Variants in RNF103 observed in about 807,000 individuals in gnomAD.
RNF103 encodes ring finger protein 103, also known as E3 ubiquitin-protein ligase RNF103.
A neutral mutation model predicts 66.2 loss-of-function variants in RNF103; 23 were observed. The ratio of observed to expected loss-of-function variants is 0.35; its 90% confidence interval spans 0.25 to 0.49. The LOEUF (loss-of-function observed/expected upper bound fraction) is 0.49, where lower values mean the gene tolerates loss of function less well. Among genes scored for constraint, RNF103 ranks in the 20% least tolerant of loss-of-function variants. The pLI is 0.98. For synonymous variants in RNF103, 297 were observed against 289.9 expected, an observed-to-expected ratio of 1.02 and a Z score of -0.25; for missense variants, 730 against 814.7, an observed-to-expected ratio of 0.90 and a Z score of 1.27.
At position 86,623,534 on chromosome 2, in the gene RNF103, G is replaced by A; in HGVS notation, c.-648C>T. On this transcript the variant is annotated 5_prime_UTR_variant, in exon 1 of 4. Transcript: ENST00000237455. ...CGACCGCCCAGGCTCCGCGAGAAGA[G>A]CGGCGGGCACGGCGGCGGCTCCAGG... is the stretch of plus-strand genomic sequence containing the variant. 1.0e-6 allele frequency: 1 copy of A among 985,194 alleles called. No homozygotes were observed. Among genetic ancestry groups the A allele is most frequent in the Admixed American group, 6.2e-5 (1 of 16,116 alleles). The allele number at this position is 985,194 out of a possible 1,614,324, so 61.0% of individuals were successfully genotyped here. A position where few individuals can be genotyped will look rare whatever the true frequency, so the allele number is the denominator to read the frequency against.
At chr2:86,619,288 C>T (rs1158743682) in intron 2 of RNF103, among the ~76,000 whole-genome samples, 1 of 152,190 alleles carries the variant, frequency 6.6e-6, no homozygotes, top group South Asian at 2.1e-4. Flanking sequence ...GCAGTCTTTA[C>T]TCTCAGAAAG....
At chr2:86,617,059 A>G in intron 2 of RNF103, 8 of 985,412 alleles carry the variant, frequency 8.1e-6, no homozygotes, top group Non-Finnish European at 9.6e-6. Flanking sequence ...CAATGTTAGG[A>G]ATAACTTAGA....
intron 3 of RNF103, among the ~76,000 whole-genome samples, 172 bp from the exon 4 acceptor site, chr2:86,605,590 T>C (rs905587062): frequency 3.3e-5 from 5 of 152,198 alleles, no homozygotes; most frequent in Admixed American, 6.5e-5. Flanking sequence ...CTAGTTTGTT[T>C]TGTATTTCTG....
intron 3 of RNF103, among the ~76,000 whole-genome samples, chr2:86,608,939 G>A (rs1053808955): frequency 1.3e-5 from 2 of 152,180 alleles, no homozygotes; most frequent in Non-Finnish European, 2.9e-5. Context: ...TAGACAGTCA[G>A]AAGTTGCTCA....
chr2:86,606,577 C>A (rs890101488), intron 3 of RNF103, among the ~76,000 whole-genome samples: 1 of 149,130 alleles, frequency 6.7e-6, no homozygotes, highest in Admixed American at 6.7e-5. Context: ...GCAGGAGAAC[C>A]GCTTGAACCC....
chr2:86,610,989 C>T (rs1678766835), intron 3 of RNF103, among the ~76,000 whole-genome samples: 1 of 140,064 alleles, frequency 7.1e-6, no homozygotes, highest in Admixed American at 7.5e-5. Flanking sequence ...GCCTGGGCAA[C>T]ATAGCAAGAC....
chr2:86,614,752 G>C, intron 2 of RNF103: 3 of 964,930 alleles, frequency 3.1e-6, no homozygotes, highest in Non-Finnish European at 3.7e-6. Flanking sequence ...AATAATCAAA[G>C]ACAAGTTTAA....
chr2:86,623,826 C>T lies in RNF103; in HGVS notation c.-940G>A. 4.7e-6 allele frequency: 6 copies of T among 1,288,126 alleles called. No individual in the cohort carries two copies. The highest frequency in any genetic ancestry group is 6.1e-6 in the Non-Finnish European group (6 of 988,396). The allele number at this position is 1,288,126 out of a possible 1,614,324, so 79.8% of individuals were successfully genotyped here. ...AGACCGCGGCCGTACCCTCCACAAC[C>T]GTGTATCAGCGGCGGCCGCGGCCGG... On this transcript the variant is annotated 5_prime_UTR_variant, in exon 1 of 4. Coordinates refer to ENST00000237455, the MANE Select transcript of RNF103 (RefSeq NM_005667.4).
Position 86,623,758 on chromosome 2 carries a change from T to C in RNF103, c.-872A>G. 7.8e-7 allele frequency: 1 copy of C among 1,281,888 alleles called. No homozygotes were observed. Among genetic ancestry groups the C allele is most frequent in the Non-Finnish European group, 1.0e-6 (1 of 985,998 alleles). 79.4% of individuals were successfully genotyped at this position (1,281,888 alleles called of 1,614,324 possible). A position where few individuals can be genotyped will look rare whatever the true frequency, so the allele number is the denominator to read the frequency against. On this transcript the variant is annotated 5_prime_UTR_variant, in exon 1 of 4. Coordinates refer to ENST00000237455, the MANE Select transcript of RNF103 (RefSeq NM_005667.4). ...GCGCCCGTCCCGCTCGGATGGGCAG[T>C]GCCGGTCGCAGCACCCGTCCCCAAC...
At position 86,605,385 on chromosome 2, in the gene RNF103, T is replaced by C. The variant is rs766961081; in HGVS notation, c.516A>G (p.Thr172=). Residue 172 remains threonine, a synonymous_variant, in exon 4 of 4, where the codon ACA becomes ACG. Coordinates refer to ENST00000237455, the MANE Select transcript of RNF103 (RefSeq NM_005667.4). ...TTGTTTGTGGAACAGACATAATGAGTGTGGATCGGACCCAGCCTCTTCTCC... is the reference window on the plus strand; with the variant it reads ...TTGTTTGTGGAACAGACATAATGAGCGTGGATCGGACCCAGCCTCTTCTCC... ...YCRRRGWVRS[T]LIMSVPQTST... is the part of the protein sequence containing the mutation. 6.2e-7 allele frequency: 1 copy of C among 1,613,714 alleles called. No homozygotes were observed. Among genetic ancestry groups the C allele is most frequent in the Non-Finnish European group, 8.5e-7 (1 of 1,179,772 alleles).
intron 2 of RNF103, chr2:86,614,757 G>A (rs1222774789): frequency 3.7e-5 from 36 of 968,110 alleles, no homozygotes; most frequent in Non-Finnish European, 4.2e-5. Flanking sequence ...TCAAAGACAA[G>A]TTTAACTTAT....
Position 86,604,699 on chromosome 2 carries a change from G to A in RNF103, c.1202C>T (p.Thr401Ile). 3 of 1,614,160 alleles carry A rather than the reference G, an allele frequency of 1.9e-6. No individual in the cohort carries two copies. Among genetic ancestry groups the A allele is most frequent in the Admixed American group, 1.7e-5 (1 of 60,024 alleles). Reference protein sequence around the residue: ...LKLLRYSNTTTLASWVRADWM... With the variant: ...LKLLRYSNTTILASWVRADWM... ...GTCTGCCCTTACCCATGAAGCCAGT[G>A]TGGTTGTATTGGAATATCTCAACAA... Residue 401 changes from threonine (T) to isoleucine (I), a missense_variant, in exon 4 of 4, where the codon ACA (threonine) becomes ATA (isoleucine). By Grantham distance (89) the Thr-to-Ile change is moderately conservative (BLOSUM62 -1). Around this residue, in one of 3 missense-constraint regions of RNF103, gnomAD observed 355 missense variants for 351.9 expected, o/e 1.01. Coordinates refer to ENST00000237455, the MANE Select transcript of RNF103 (RefSeq NM_005667.4).
chr2:86,623,828 T>A lies in RNF103; in HGVS notation c.-942A>T, dbSNP rs1054667629. 3 of 1,287,686 alleles carry A rather than the reference T, an allele frequency of 2.3e-6. No homozygotes were observed. Among genetic ancestry groups the A allele is most frequent in the East Asian group, 1.1e-4 (2 of 17,844 alleles). The allele number at this position is 1,287,686 out of a possible 1,614,324, so 79.8% of individuals were successfully genotyped here. On this transcript the variant is annotated 5_prime_UTR_variant, in exon 1 of 4. Coordinates refer to ENST00000237455, the MANE Select transcript of RNF103 (RefSeq NM_005667.4). ...ACCGCGGCCGTACCCTCCACAACCG[T>A]GTATCAGCGGCGGCCGCGGCCGGAG...
In RNF103 at chr2:86,623,669, A is replaced by G; in HGVS notation, c.-783T>C. 8.6e-7 allele frequency: 1 copy of G among 1,169,166 alleles called. No homozygotes were observed. Among genetic ancestry groups the G allele is most frequent in the Non-Finnish European group, 1.1e-6 (1 of 932,860 alleles). The allele number at this position is 1,169,166 out of a possible 1,614,324, so 72.4% of individuals were successfully genotyped here. ...AGATGGAATCGGTCTCGGAGGGAAA[A>G]AACCAATAATAGGCCCCGAGACTGC... On this transcript the variant is annotated 5_prime_UTR_variant, in exon 1 of 4. Coordinates refer to ENST00000237455, the MANE Select transcript of RNF103 (RefSeq NM_005667.4).
In RNF103 at chr2:86,604,887, A is replaced by C; in HGVS notation, c.1014T>G (p.Ala338=). 6.2e-7 allele frequency: 1 copy of C among 1,614,146 alleles called. No homozygotes were observed. The highest frequency in any genetic ancestry group is 1.1e-5 in the South Asian group (1 of 91,072). ...VLSLVLVNLM[A]WMDLFITQGA... ...CTTGTGTAATAAATAAGTCCATCCA[A>C]GCCATAAGATTAACTAGAACCAAGC... Residue 338 remains alanine, a synonymous_variant, in exon 4 of 4, where the codon GCT becomes GCG. Coordinates refer to ENST00000237455, the MANE Select transcript of RNF103 (RefSeq NM_005667.4).
Position 86,612,269 on chromosome 2 carries a change from T to C in RNF103, c.372A>G (p.Ile124Met). The change falls in exon 3 of 4, where the codon ATA becomes ATG. Residue 124 changes from isoleucine to methionine, a missense_variant. By Grantham distance (10) the Ile-to-Met change is conservative. Coordinates refer to ENST00000237455, the MANE Select transcript of RNF103 (RefSeq NM_005667.4). ...CCACCAAGGGACTTCTGTCATTTGC[T>C]ATGACCTATTCCCAAAAATAGAGAA... is the stretch of plus-strand genomic sequence containing the variant. ...TKDGIWLVQVIANDRSPLVGK... is the reference protein window; with the variant it reads ...TKDGIWLVQVMANDRSPLVGK... 1 of 1,601,396 alleles carries C rather than the reference T, an allele frequency of 6.2e-7. No individual in the cohort carries two copies. Among genetic ancestry groups the C allele is most frequent in the Non-Finnish European group, 8.5e-7 (1 of 1,170,966 alleles).
chr2:86,612,968 AAG>A (rs1349039324), intron 2 of RNF103: 8 of 152,230 alleles, frequency 5.3e-5, no homozygotes, highest in African/African-American at 1.9e-4. Context: ...TTCTTAAGAA[AAG>A]AAAAAGAGGC....
At chr2:86,606,367 T>C (rs1678545820) in intron 3 of RNF103, among the ~76,000 whole-genome samples, 1 of 151,982 alleles carries the variant, frequency 6.6e-6, no homozygotes, top group African/African-American at 2.4e-5. Flanking sequence ...AAAAGAAATA[T>C]TAAAAACTGA....
Position 86,622,751 on chromosome 2 carries a change from T to G in RNF103, c.136A>C (p.Lys46Gln), listed in dbSNP as rs754379018. 2.7e-5 allele frequency: 44 copies of G among 1,614,158 alleles called. No homozygotes were observed. In the South Asian group the frequency reaches 4.1e-4, roughly 15 times the overall value. Residue 46 changes from lysine (K) to glutamine (Q), a missense_variant, in exon 1 of 4, where the codon AAG becomes CAG. Lys to Gln is a moderately conservative substitution (Grantham distance 53). Around this residue, in one of 3 missense-constraint regions of RNF103, gnomAD observed 327 missense variants for 369.8 expected, o/e 0.88. Transcript: ENST00000237455. ...QLVDPVALSFKKLKTILECRG... is the reference protein window; with the variant it reads ...QLVDPVALSFQKLKTILECRG... ...CACTCCAAAATGGTCTTCAGCTTCT[T>G]GAAGCTCAGCGCCACCGGATCCACC...
Sources: gnomAD v4.1 joint callset for allele counts (sites outside exome capture counted in the v4.1 genomes callset) on GRCh38, gnomAD v4.1.1 for gene constraint, gnomAD v4.1.1 regional missense constraint, MANE v1.5 for transcripts, NCBI Gene and HGNC (gene_info 2026-07-23, HGNC 2026-07-21) for gene names.